TOM1: variants seen among roughly 807,000 people sequenced by gnomAD.
TOM1 encodes the protein target of Myb protein 1.
A neutral mutation model predicts 61.3 loss-of-function variants in TOM1; 38 were observed. That is an observed-to-expected ratio of 0.62 (90% CI 0.48 to 0.81). The LOEUF (loss-of-function observed/expected upper bound fraction) is 0.81, where lower values mean the gene tolerates loss of function less well. TOM1 is among the 40% of genes least tolerant of loss of function. The pLI is 0.00. For missense variants in TOM1, 591 were observed against 659.6 expected, an observed-to-expected ratio of 0.90 and a Z score of 1.14; for synonymous variants, 270 against 268.8, an observed-to-expected ratio of 1.00 and a Z score of -0.04.
At chr22:35,309,508 G>A (rs940028781) in intron 1 of TOM1, among the ~76,000 whole-genome samples, 2 of 152,072 alleles carry the variant, frequency 1.3e-5, no homozygotes, top group Non-Finnish European at 2.9e-5. Context: ...GCTGGATGTG[G>A]TGGTGGGCGC....
At chr22:35,324,978 C>T (rs1454777700) in intron 6 of TOM1, among the ~76,000 whole-genome samples, 1 of 151,834 alleles carries the variant, frequency 6.6e-6, no homozygotes, top group Non-Finnish European at 1.5e-5. Flanking sequence ...TCCTCATGGC[C>T]CACTGGGCCA....
chr22:35,343,921 C>A (rs570692886), intron 12 of TOM1, among the ~76,000 whole-genome samples: 83 of 151,308 alleles, frequency 5.5e-4, no homozygotes, highest in Admixed American at 3.9e-3. Flanking sequence ...ACACACACCA[C>A]ACACATCTAC....
chr22:35,321,440 C>T (rs773287192), intron 2 of TOM1, among the ~76,000 whole-genome samples: 2 of 151,856 alleles, frequency 1.3e-5, no homozygotes, highest in Non-Finnish European at 2.9e-5. Context: ...ACTCTGTTGC[C>T]CAGGCTGGAG....
intron 10 of TOM1, 27 bp from the exon 11 acceptor site, chr22:35,334,300 CT>C: frequency 6.2e-7 from 1 of 1,601,586 alleles, no homozygotes; most frequent in East Asian, 2.2e-5. Context: ...GTGGATGGGT[CT>C]TTCACGTGGC....
intron 6 of TOM1, among the ~76,000 whole-genome samples, chr22:35,325,480 A>G (rs1034038159): frequency 6.6e-6 from 1 of 152,212 alleles, no homozygotes; most frequent in Non-Finnish European, 1.5e-5. Context: ...GTAACCTCAT[A>G]TACATTTCTG....
At position 35,323,912 on chromosome 22, in the gene TOM1, C is replaced by G; in HGVS notation, c.646C>G (p.Gln216Glu). 1 of 1,555,982 alleles carries G rather than the reference C, an allele frequency of 6.4e-7. No individual in the cohort carries two copies. Among genetic ancestry groups the G allele is most frequent in the Middle Eastern group, 1.7e-4 (1 of 5,772 alleles). Residue 216 changes from glutamine (Q) to glutamate (E), a missense_variant and splice_region_variant, in exon 6 of 15, where the codon CAG becomes GAG. By Grantham distance (29) the Gln-to-Glu change is conservative (BLOSUM62 2). Coordinates refer to ENST00000449058, the MANE Select transcript of TOM1 (RefSeq NM_005488.3). The surrounding 1 kb of genome is among the most constrained non-coding windows in gnomAD (Gnocchi z 4.2). The stretch of plus-strand genomic sequence containing the variant: ...CACGCCCATAGCACCAACCCCGGAA[C>G]AGGTAAACGAGCCTGGGGTCAGAAC... ...GDTPIAPTPE[Q>E]IGKLRSELEM...
At chr22:35,340,690 T>A (rs1929799467) in intron 12 of TOM1, among the ~76,000 whole-genome samples, 1 of 151,914 alleles carries the variant, frequency 6.6e-6, no homozygotes, top group African/African-American at 2.4e-5. Flanking sequence ...GAGGTTGTGG[T>A]GAGCTGAGAT....
chr22:35,309,336 AC>A (rs1445869291), intron 1 of TOM1, among the ~76,000 whole-genome samples: 1 of 151,818 alleles, frequency 6.6e-6, no homozygotes, highest in African/African-American at 2.4e-5. Flanking sequence ...TTTCCATCTC[AC>A]CGATTCCCCC....
At chr22:35,320,987 G>GAAAAAAAAAAAAAAAAAA (rs138783) in intron 2 of TOM1, among the ~76,000 whole-genome samples, 4 of 88,946 alleles carry the variant, frequency 4.5e-5, no homozygotes, top group Admixed American at 1.3e-4. Context: ...GTCTCAGAAG[G>GAAAAAAAAAAAAAAAAAA]AAAAAAAAAA....
chr22:35,319,577 C>T (rs1468472755), intron 2 of TOM1, among the ~76,000 whole-genome samples: 2 of 152,224 alleles, frequency 1.3e-5, no homozygotes, highest in East Asian at 3.9e-4. Context: ...GCTGTCCCTG[C>T]GCTCTAGGAG....
At chr22:35,327,182 C>T in intron 6 of TOM1, 89 bp from the exon 7 acceptor site, 1 of 1,291,050 alleles carries the variant, frequency 7.7e-7, no homozygotes, top group Non-Finnish European at 1.1e-6. Context: ...GTGCTGCACC[C>T]AGGGTTGGTG....
chr22:35,310,823 C>G (rs1275418617), intron 1 of TOM1, among the ~76,000 whole-genome samples: 1 of 152,146 alleles, frequency 6.6e-6, no homozygotes, highest in African/African-American at 2.4e-5. Context: ...TCACAGACTC[C>G]TGGGAGAGAG....
At chr22:35,334,864 A>C (rs536674361) in intron 11 of TOM1, among the ~76,000 whole-genome samples, 1 of 122,760 alleles carries the variant, frequency 8.1e-6, no homozygotes, top group Non-Finnish European at 1.6e-5. Flanking sequence ...TGTACCGCAT[A>C]GTAAGCCCTC....
intron 12 of TOM1, among the ~76,000 whole-genome samples, chr22:35,343,329 C>CA (rs2145727196): frequency 1.3e-5 from 2 of 150,302 alleles, no homozygotes; most frequent in Non-Finnish European, 3.0e-5. Flanking sequence ...CACCTACACA[C>CA]CCCCACACAC....
chr22:35,302,156 G>T (rs1445660797), intron 1 of TOM1, among the ~76,000 whole-genome samples: 1 of 152,052 alleles, frequency 6.6e-6, no homozygotes, highest in Admixed American at 6.6e-5. Context: ...ATGGAATTTT[G>T]CAGGTAAAAG....
chr22:35,338,034 A>G (rs1181263380), intron 11 of TOM1, among the ~76,000 whole-genome samples: 1 of 151,042 alleles, frequency 6.6e-6, no homozygotes. Flanking sequence ...CACACAACAT[A>G]CCCTTCCTTG....
chr22:35,343,736 C>CCTACACACACACCACATGCATCT (rs1930220829), intron 12 of TOM1, among the ~76,000 whole-genome samples: 2 of 138,466 alleles, frequency 1.4e-5, no homozygotes, highest in East Asian at 2.4e-4. Flanking sequence ...CTACACCCAC[C>CCTACACACACACCACATGCATCT]ACACCTACAC....
Position 35,326,757 on chromosome 22 carries a change from C to T in TOM1, c.649-514C>T, listed in dbSNP as rs570601046. Among the ~76,000 whole-genome samples, 47 of 148,218 alleles carry T rather than the reference C, an allele frequency of 3.2e-4. No homozygotes were observed. The South Asian group carries it at 6.5e-3, about 20-fold the overall frequency. On this transcript the variant is annotated intron_variant, in intron 6 of 14. Transcript: ENST00000449058. ...CAGTCCTCTAGGAGGAGAGAGACGG[C>T]GGGATCCCAGTCCTCTAGGAGGAGA...
intron 1 of TOM1, among the ~76,000 whole-genome samples, chr22:35,306,354 G>A (rs142363695): frequency 6.6e-6 from 1 of 152,320 alleles, no homozygotes; most frequent in Non-Finnish European, 1.5e-5. Context: ...TATCCCCACA[G>A]TGTGCCCATG....
Sources: allele counts gnomAD v4.1 joint callset (sites outside exome capture counted in the v4.1 genomes callset), GRCh38; gene constraint gnomAD v4.1.1; non-coding constraint Gnocchi (gnomAD v3.1); transcripts MANE v1.5; gene names NCBI Gene and HGNC (gene_info 2026-07-23, HGNC 2026-07-21).